The following TFR2 variants were observed in gnomAD, a reference collection of about 807,000 sequenced individuals.
TFR2 encodes the protein transferrin receptor 2, also known as transferrin receptor protein 2.
A neutral mutation model predicts 91.9 loss-of-function variants in TFR2; 64 were observed. That is an observed-to-expected ratio of 0.70 (90% CI 0.57 to 0.86). TFR2 has a LOEUF of 0.86. Ranked by LOEUF, TFR2 falls within the 40% of genes least tolerant of loss-of-function variation. The pLI is 0.00. For missense variants in TFR2, 950 were observed against 1,080.5 expected (o/e 0.88, Z 1.69); for synonymous variants, 454 against 459.6 (o/e 0.99, Z 0.15).
At chr7:100,628,836 G>A (rs1031956885) in intron 10 of TFR2, among the ~76,000 whole-genome samples, 3 of 151,312 alleles carry the variant, frequency 2.0e-5, no homozygotes, top group Admixed American at 6.6e-5. Context: ...GTGCGATCTC[G>A]GCTTACTGCA....
At chr7:100,632,809 G>A (rs1218761503) in intron 6 of TFR2, 192 bp downstream of exon 6, 3 of 733,924 alleles carry the variant, frequency 4.1e-6, no homozygotes, top group Non-Finnish European at 6.6e-6. Flanking sequence ...GGCCTCAAGC[G>A]ATCCTCCTGT....
chr7:100,633,687 C>T (rs865958674), intron 3 of TFR2, 131 bp from the exon 4 acceptor site: 135 of 1,078,504 alleles, frequency 1.3e-4, no homozygotes, highest in Middle Eastern at 9.8e-4. Flanking sequence ...AAAGAGCGCT[C>T]CCCGCGGACG....
In TFR2 at chr7:100,636,399, C is replaced by T. The variant is rs181518969; in HGVS notation, c.474-2843G>A. On this transcript the variant is annotated intron_variant, in intron 3 of 17. Coordinates refer to ENST00000223051, the MANE Select transcript of TFR2 (RefSeq NM_003227.4). Reference sequence around the variant, plus strand: ...CCATGTTGGCCAGGCTGGTCTCAAACTCCTGACCTCAGATGATCCACCTGC... The same window carrying T: ...CCATGTTGGCCAGGCTGGTCTCAAATTCCTGACCTCAGATGATCCACCTGC... Among the ~76,000 whole-genome samples the T allele has an allele frequency of 4.0e-3, 606 of 152,128 alleles. 5 individuals carry two copies. The highest frequency in any genetic ancestry group is 0.014 in the African/African-American group (567 of 41,508).
At chr7:100,637,827 G>T (rs1030279723) in intron 3 of TFR2, among the ~76,000 whole-genome samples, 1 of 82,854 alleles carries the variant, frequency 1.2e-5, no homozygotes, top group Non-Finnish European at 2.2e-5. Context: ...AAAAATTAAT[G>T]TAATTTAATT....
intron 17 of TFR2, among the ~76,000 whole-genome samples, chr7:100,622,667 G>A (rs1453165892): frequency 3.9e-5 from 6 of 152,182 alleles, no homozygotes; most frequent in Admixed American, 6.6e-5. Flanking sequence ...TTCTACTATG[G>A]TAACTGCAGC....
At chr7:100,626,333 G>C (rs1803247440) in intron 17 of TFR2, 1 of 587,556 alleles carries the variant, frequency 1.7e-6, no homozygotes, top group Non-Finnish European at 2.1e-6. Context: ...TTATCAGAAG[G>C]AAAACAGCTC....
Position 100,627,373 on chromosome 7 carries a change from A to C in TFR2, c.1886T>G (p.Leu629Arg). 6.4e-7 allele frequency: 1 copy of C among 1,555,062 alleles called. No homozygotes were observed. Among genetic ancestry groups the C allele is most frequent in the Non-Finnish European group, 8.7e-7 (1 of 1,149,146 alleles). The change falls in exon 16 of 18, where the codon CTC becomes CGC. Residue 629 changes from leucine to arginine, a missense_variant. Leu to Arg is a moderately radical substitution (Grantham distance 102). Coordinates refer to ENST00000223051, the MANE Select transcript of TFR2 (RefSeq NM_003227.4). ...AQAVAQLAGQLLIRLSHDRLL... is the reference protein window; with the variant it reads ...AQAVAQLAGQRLIRLSHDRLL... Reference sequence around the variant, plus strand: ...GCGATCGTGGCTGAGCCGGATGAGGAGCTGCCCTGCGAGCTGGGCCACGGC... The same window carrying C: ...GCGATCGTGGCTGAGCCGGATGAGGCGCTGCCCTGCGAGCTGGGCCACGGC...
chr7:100,625,793 G>A (rs1016871709), intron 17 of TFR2, among the ~76,000 whole-genome samples: 1 of 152,180 alleles, frequency 6.6e-6, no homozygotes, highest in African/African-American at 2.4e-5. Flanking sequence ...GCTGAGGTGG[G>A]AGGATCACTT....
chr7:100,638,906 T>C (rs1407797045), intron 3 of TFR2, among the ~76,000 whole-genome samples: 5 of 151,630 alleles, frequency 3.3e-5, no homozygotes, highest in Non-Finnish European at 7.4e-5. Context: ...TGAGGCCCTA[T>C]CTCAAAAAAA....
In TFR2 at chr7:100,635,328, A is replaced by G. The variant is rs1803554167; in HGVS notation, c.474-1772T>C. ...ATGACCATAGCTCACTGCAACCTTC[A>G]GCTCCTAAGCTCAAGCCATCCTCCT... is the stretch of plus-strand genomic sequence containing the variant. On this transcript the variant is annotated intron_variant, in intron 3 of 17. Coordinates refer to ENST00000223051, the MANE Select transcript of TFR2 (RefSeq NM_003227.4). 4.0e-5 allele frequency among the ~76,000 whole-genome samples: 6 copies of G among 150,464 alleles called. No individual in the cohort carries two copies. In the South Asian group the frequency reaches 1.3e-3, roughly 32 times the overall value.
In TFR2 at chr7:100,632,990, G is replaced by C. The variant is rs1803491608; in HGVS notation, c.849+11C>G. ...CGGGCTCAAGCCCTCCCTCTGTCCA[G>C]GGACACTTACCTTCTGGGCGAAGCT... On this transcript the variant is annotated intron_variant, in intron 6 of 17. Transcript: ENST00000223051. The C allele has an allele frequency of 6.2e-7, 1 of 1,613,564 alleles. No individual in the cohort carries two copies. The highest frequency in any genetic ancestry group is 1.1e-5 in the South Asian group (1 of 91,076).
intron 6 of TFR2, 191 bp downstream of exon 6, chr7:100,632,810 A>G: frequency 2.7e-6 from 2 of 732,168 alleles, no homozygotes; most frequent in Non-Finnish European, 4.4e-6. Flanking sequence ...GCCTCAAGCG[A>G]TCCTCCTGTC....
chr7:100,625,012 C>T (rs922013342), intron 17 of TFR2, among the ~76,000 whole-genome samples: 1 of 151,864 alleles, frequency 6.6e-6, no homozygotes, highest in Non-Finnish European at 1.5e-5. Flanking sequence ...GAGTCCTTCC[C>T]TCTCCATCCC....
intron 3 of TFR2, among the ~76,000 whole-genome samples, chr7:100,639,530 A>G (rs529514868): frequency 1.3e-5 from 2 of 151,978 alleles, no homozygotes; most frequent in Non-Finnish European, 2.9e-5. Flanking sequence ...AAGGATACCT[A>G]CTGCCACGGT....
At chr7:100,641,323 A>C in intron 1 of TFR2, 95 bp from the exon 2 acceptor site, 1 of 744,896 alleles carries the variant, frequency 1.3e-6, no homozygotes, top group Non-Finnish European at 2.0e-6. Flanking sequence ...GGGGTGTCAA[A>C]TGAGCATGGT....
chr7:100,637,592 G>C (rs1803599593), intron 3 of TFR2, among the ~76,000 whole-genome samples: 1 of 151,676 alleles, frequency 6.6e-6, no homozygotes, highest in Admixed American at 6.6e-5. Flanking sequence ...AGAATTGGTT[G>C]CAAATATATA....
In TFR2 at chr7:100,627,341, G is replaced by T; in HGVS notation, c.1918C>A (p.Pro640Thr). 1 of 1,551,388 alleles carries T rather than the reference G, an allele frequency of 6.4e-7. No individual in the cohort carries two copies. Among genetic ancestry groups the T allele is most frequent in the Non-Finnish European group, 8.7e-7 (1 of 1,147,298 alleles). The change falls in exon 16 of 18, where the codon CCC becomes ACC. Residue 640 changes from proline to threonine, a missense_variant. Coordinates refer to ENST00000223051, the MANE Select transcript of TFR2 (RefSeq NM_003227.4). ...TCCCCGTAGCGGCCGAAGTCGAGGG[G>T]CAGCAGGCGATCGTGGCTGAGCCGG... is the stretch of plus-strand genomic sequence containing the variant. ...LIRLSHDRLL[P>T]LDFGRYGDVV...
At position 100,620,725 on chromosome 7, in the gene TFR2, T is replaced by G; in HGVS notation, c.*132A>C. 7.9e-7 allele frequency: 1 copy of G among 1,267,774 alleles called. No homozygotes were observed. The highest frequency in any genetic ancestry group is 1.1e-6 in the Non-Finnish European group (1 of 897,338). The allele number at this position is 1,267,774 out of a possible 1,614,324, so 78.5% of individuals were successfully genotyped here. A position where few individuals can be genotyped will look rare whatever the true frequency, so the allele number is the denominator to read the frequency against. ...CTGGGGTCTGGGCTCCGTGGAGAGA[T>G]GTGTAGGGGTAATGAGAAATTGATC... On this transcript the variant is annotated 3_prime_UTR_variant, in exon 18 of 18. Transcript: ENST00000223051.
At chr7:100,623,887 C>CA (rs36052130) in intron 17 of TFR2, among the ~76,000 whole-genome samples, 55,247 of 96,072 alleles carry the variant, frequency 0.58, 15,736 homozygotes, top group Middle Eastern at 0.67. Flanking sequence ...CCTTCTCTAC[C>CA]AAAAAAAAAA....
Sources: allele counts gnomAD v4.1 joint callset (sites outside exome capture counted in the v4.1 genomes callset), GRCh38; gene constraint gnomAD v4.1.1; transcripts MANE v1.5; gene names NCBI Gene and HGNC (gene_info 2026-07-23, HGNC 2026-07-21).